The following EPHA5 variants were observed in gnomAD, a reference collection of about 807,000 sequenced individuals.
The protein encoded by EPHA5 is ephrin type-A receptor 5.
Under a neutral mutation model 105.0 loss-of-function variants are expected in EPHA5, and 60 were observed. That is an observed-to-expected ratio of 0.57 (90% CI 0.46 to 0.71). EPHA5 has a LOEUF of 0.71. Among genes scored for constraint, EPHA5 ranks in the 30% least tolerant of loss-of-function variants. EPHA5 has a pLI of 0.00. For synonymous variants in EPHA5, 513 were observed against 449.1 expected (o/e 1.14, Z -1.80); for missense variants, 1,218 against 1,274.7 (o/e 0.96, Z 0.68).
intron 3 of EPHA5, among the ~76,000 whole-genome samples, chr4:65,552,135 T>A (rs1737981798): frequency 6.6e-6 from 1 of 152,200 alleles, no homozygotes; most frequent in Non-Finnish European, 1.5e-5. Context: ...CCCTGTGGCC[T>A]GATGTCAGAA....
At chr4:65,517,156 A>AT (rs1734188181) in intron 3 of EPHA5, among the ~76,000 whole-genome samples, 1 of 151,986 alleles carries the variant, frequency 6.6e-6, no homozygotes, top group Non-Finnish European at 1.5e-5. Flanking sequence ...TTAAATGTAC[A>AT]TATTTATAAT....
chr4:65,393,742 A>C (rs1209556968), intron 8 of EPHA5, among the ~76,000 whole-genome samples: 3 of 152,230 alleles, frequency 2.0e-5, no homozygotes, highest in Admixed American at 6.5e-5. Flanking sequence ...TGCAAGATCA[A>C]TAATTTCCTT....
At chr4:65,409,379 T>C (rs1722703218) in intron 7 of EPHA5, among the ~76,000 whole-genome samples, 1 of 94,124 alleles carries the variant, frequency 1.1e-5, no homozygotes, top group Non-Finnish European at 2.5e-5. Context: ...ATAAAAGAGC[T>C]TTGTAAGCCG....
chr4:65,526,449 G>A (rs1735237442), intron 3 of EPHA5, among the ~76,000 whole-genome samples: 3 of 151,486 alleles, frequency 2.0e-5, no homozygotes, highest in Admixed American at 2.0e-4. Flanking sequence ...ATTTAAATCT[G>A]TCTTTACAAA....
intron 2 of EPHA5, among the ~76,000 whole-genome samples, chr4:65,635,913 G>T (rs1350157493): frequency 6.6e-6 from 1 of 152,142 alleles, no homozygotes; most frequent in African/African-American, 2.4e-5. Context: ...GAAAGATAAA[G>T]AGGGAGGAAA....
chr4:65,598,518 C>A (rs970191234), intron 3 of EPHA5, among the ~76,000 whole-genome samples: 1 of 152,174 alleles, frequency 6.6e-6, no homozygotes, highest in Non-Finnish European at 1.5e-5. Flanking sequence ...CATGGTCTCC[C>A]GCTACTCCTG....
rs940113506 is a variant in EPHA5 at position 65,373,170 on chromosome 4, C to A, written c.1794-5746G>T. On this transcript the variant is annotated intron_variant, in intron 8 of 16. Transcript: ENST00000613740. ...CAATCTGAGGAGGCCCAGTTAATAT[C>A]TCCTGTAGTCTGAAGCTTCATAGTT... is the stretch of plus-strand genomic sequence containing the variant. 1.3e-4 allele frequency among the ~76,000 whole-genome samples: 19 copies of A among 151,818 alleles called. No individual in the cohort carries two copies. In the Admixed American group the frequency reaches 1.3e-3, roughly 10 times the overall value.
At chr4:65,364,575 T>TA (rs1717670715) in intron 11 of EPHA5, among the ~76,000 whole-genome samples, 1 of 151,570 alleles carries the variant, frequency 6.6e-6, no homozygotes, top group Non-Finnish European at 1.5e-5. Flanking sequence ...AACATATCTT[T>TA]AAAAAATGAA....
At chr4:65,596,113 C>T (rs999638825) in intron 3 of EPHA5, among the ~76,000 whole-genome samples, 2 of 152,182 alleles carry the variant, frequency 1.3e-5, no homozygotes, top group African/African-American at 4.8e-5. Context: ...CTCCTTCATT[C>T]TTCCAAATTT....
intron 10 of EPHA5, among the ~76,000 whole-genome samples, chr4:65,365,649 CTATATATATATATATATATA>C (rs57048004): frequency 0.19 from 12,340 of 64,980 alleles, 858 homozygotes; most frequent in Middle Eastern, 0.37. Context: ...TACAAATTCA[CTATATATATATATATATATA>C]TATATATATA....
intron 3 of EPHA5, among the ~76,000 whole-genome samples, chr4:65,509,954 A>C (rs879485623): frequency 6.6e-6 from 1 of 152,124 alleles, no homozygotes; most frequent in Non-Finnish European, 1.5e-5. Context: ...AACACAGCTA[A>C]GCCTTCTTAC....
At chr4:65,450,482 C>A (rs1726959225) in intron 5 of EPHA5, among the ~76,000 whole-genome samples, 1 of 152,130 alleles carries the variant, frequency 6.6e-6, no homozygotes, top group African/African-American at 2.4e-5. Context: ...CACCCATGAC[C>A]ATTATGCTGA....
At chr4:65,378,324 G>A (rs2148923304) in intron 8 of EPHA5, among the ~76,000 whole-genome samples, 1 of 151,930 alleles carries the variant, frequency 6.6e-6, no homozygotes, top group East Asian at 1.9e-4. Flanking sequence ...TCACTGTAGA[G>A]ATATTGAGAG....
chr4:65,414,237 G>A (rs752356010), intron 7 of EPHA5, 47 bp downstream of exon 7: 2 of 1,572,292 alleles, frequency 1.3e-6, no homozygotes, highest in Non-Finnish European at 1.7e-6. Context: ...ACTCTTTTCT[G>A]GTAACCATTA....
At chr4:65,620,108 G>GTATA (rs34861369) in intron 2 of EPHA5, among the ~76,000 whole-genome samples, 10,580 of 137,238 alleles carry the variant, frequency 0.077, 659 homozygotes, top group African/African-American at 0.15. Flanking sequence ...TTGGACTCAG[G>GTATA]TATATATATA....
intron 11 of EPHA5, among the ~76,000 whole-genome samples, chr4:65,357,417 C>T (rs573193373): frequency 5.5e-4 from 83 of 151,474 alleles, no homozygotes; most frequent in Non-Finnish European, 1.1e-3. Flanking sequence ...TAAAAACTCA[C>T]AAATATTCAT....
chr4:65,473,754 G>A (rs1302183933), intron 5 of EPHA5, among the ~76,000 whole-genome samples: 2 of 152,070 alleles, frequency 1.3e-5, no homozygotes, highest in African/African-American at 4.8e-5. Flanking sequence ...CTGAGGTTTA[G>A]GGTACAAATG....
intron 3 of EPHA5, among the ~76,000 whole-genome samples, chr4:65,575,935 CCACTG>C (rs1252971121): frequency 8.1e-5 from 12 of 147,744 alleles, no homozygotes; most frequent in Non-Finnish European, 1.5e-4. Context: ...CAGGACCGTG[CCACTG>C]CACTGCAGTC....
intron 3 of EPHA5, among the ~76,000 whole-genome samples, chr4:65,574,755 T>TAC: frequency 7.4e-6 from 1 of 135,544 alleles, no homozygotes; most frequent in East Asian, 2.0e-4. Flanking sequence ...TATATATATA[T>TAC]ATACACAGTA....
Sources: allele counts gnomAD v4.1 joint callset (sites outside exome capture counted in the v4.1 genomes callset), GRCh38; gene constraint gnomAD v4.1.1; transcripts MANE v1.5; gene names NCBI Gene and HGNC (gene_info 2026-07-23, HGNC 2026-07-21).